CCN4: variants seen among roughly 807,000 people sequenced by gnomAD.
CCN4 encodes the protein CCN family member 4.
A neutral mutation model predicts 36.7 loss-of-function variants in CCN4; 30 were observed. The ratio of observed to expected loss-of-function variants is 0.82; its 90% CI spans 0.61 to 1.11. The LOEUF is 1.11. Among genes scored for constraint, CCN4 ranks in the 50% least tolerant of loss-of-function variants. CCN4 has a pLI of 0.00. For missense variants in CCN4, 505 were observed against 504.9 expected, an observed-to-expected ratio of 1.00 and a Z score of 0.00; for synonymous variants, 191 against 195.4, an observed-to-expected ratio of 0.98 and a Z score of 0.19.
At chr8:133,213,175 C>T (rs775183127) in intron 2 of CCN4, 32 bp downstream of exon 2, 2 of 1,573,120 alleles carry the variant, frequency 1.3e-6, no homozygotes, top group Non-Finnish European at 1.7e-6. Context: ...TCTGACCAGC[C>T]CCTGAGCACC....
In CCN4 at chr8:133,213,752, A is replaced by C. The variant is rs1329128838; in HGVS notation, c.349+609A>C. Among the ~76,000 whole-genome samples, 3 of 147,298 alleles carry C rather than the reference A, an allele frequency of 2.0e-5. No homozygotes were observed. The South Asian group carries it at 6.3e-4, about 31-fold the overall frequency. On this transcript the variant is annotated intron_variant, in intron 2 of 4. Transcript: ENST00000250160. ...AATATAAAGATAATATATACACTAT[A>C]AATATTATCTTTCTAATGAACTTGA...
At chr8:133,226,556 C>T (rs1038678047) in intron 4 of CCN4, among the ~76,000 whole-genome samples, 2 of 152,208 alleles carry the variant, frequency 1.3e-5, no homozygotes, top group Non-Finnish European at 2.9e-5. Flanking sequence ...ATTCCATAGA[C>T]ATCTCTTAAC....
intron 1 of CCN4, among the ~76,000 whole-genome samples, chr8:133,202,756 C>T (rs2130546703): frequency 6.6e-6 from 1 of 152,282 alleles, no homozygotes; most frequent in South Asian, 2.1e-4. Context: ...GGTGATCTAC[C>T]CAGGACCACT....
intron 1 of CCN4, among the ~76,000 whole-genome samples, chr8:133,208,922 A>G (rs1444993414): frequency 6.6e-6 from 1 of 152,224 alleles, no homozygotes; most frequent in Admixed American, 6.5e-5. Flanking sequence ...GAATGAATAA[A>G]TGAGTGGATG....
chr8:133,193,896 G>T (rs549060047), intron 1 of CCN4, among the ~76,000 whole-genome samples: 47 of 152,286 alleles, frequency 3.1e-4, no homozygotes, highest in African/African-American at 1.1e-3. Flanking sequence ...GGTGACAGGG[G>T]TAACGTCAGC....
intron 1 of CCN4, among the ~76,000 whole-genome samples, chr8:133,209,967 G>A (rs892048179): frequency 7.9e-5 from 12 of 152,320 alleles, no homozygotes; most frequent in African/African-American, 2.6e-4. Context: ...AAGAACGTAC[G>A]TCGGACTGTC....
intron 1 of CCN4, among the ~76,000 whole-genome samples, chr8:133,209,547 C>A (rs971169152): frequency 6.6e-6 from 1 of 152,256 alleles, no homozygotes; most frequent in African/African-American, 2.4e-5. Context: ...GACTTCTCTG[C>A]AGCTTCCCCT....
At chr8:133,207,009 G>A (rs1853800917) in intron 1 of CCN4, among the ~76,000 whole-genome samples, 1 of 152,176 alleles carries the variant, frequency 6.6e-6, no homozygotes, top group Admixed American at 6.5e-5. Flanking sequence ...GGGAAACTAT[G>A]GCTTCACTCA....
At chr8:133,210,282 A>C (rs1853958679) in intron 1 of CCN4, among the ~76,000 whole-genome samples, 1 of 151,606 alleles carries the variant, frequency 6.6e-6, no homozygotes, top group South Asian at 2.1e-4. Flanking sequence ...GCACGTCCTG[A>C]GTGTGGTGGC....
At position 133,212,692 on chromosome 8, in the gene CCN4, A is replaced by G. The variant is rs142746607; in HGVS notation, c.70-172A>G. Among the ~76,000 whole-genome samples, 314 of 152,272 alleles carry G rather than the reference A, an allele frequency of 2.1e-3. 2 individuals are homozygous for G. Among genetic ancestry groups the G allele is most frequent in the African/African-American group, 7.4e-3 (307 of 41,564 alleles). On this transcript the variant is annotated intron_variant, in intron 1 of 4. Coordinates refer to ENST00000250160, the MANE Select transcript of CCN4 (RefSeq NM_003882.4). The stretch of plus-strand genomic sequence containing the variant: ...GCTGCATGTTGGGCTCCTCTGTTCT[A>G]TTTGTTTTACTGAGAATAAAGGAGA...
chr8:133,225,699 A>T (rs1005850508), intron 4 of CCN4, 116 bp downstream of exon 4: 7 of 1,059,012 alleles, frequency 6.6e-6, no homozygotes, highest in Middle Eastern at 2.7e-4. Context: ...AGTTAAGCTC[A>T]CCTGGTAGGT....
intron 1 of CCN4, among the ~76,000 whole-genome samples, chr8:133,194,215 C>CTG (rs1179752636): frequency 2.0e-5 from 3 of 151,566 alleles, no homozygotes; most frequent in African/African-American, 7.3e-5. Flanking sequence ...CATAGCTGCA[C>CTG]TGTGTGTGTG....
intron 2 of CCN4, among the ~76,000 whole-genome samples, chr8:133,217,494 G>A (rs1276515209): frequency 2.6e-5 from 4 of 152,280 alleles, no homozygotes; most frequent in East Asian, 1.9e-4. Context: ...TCACCATCTC[G>A]CCTTTGATTA....
At chr8:133,213,262 G>A (rs1465892522) in intron 2 of CCN4, 119 bp downstream of exon 2, 8 of 1,266,986 alleles carry the variant, frequency 6.3e-6, no homozygotes, top group Non-Finnish European at 8.8e-6. Flanking sequence ...TTCAGCAGGA[G>A]ATACACCCCA....
chr8:133,210,418 TG>T (rs1853971573), intron 1 of CCN4, among the ~76,000 whole-genome samples: 1 of 132,268 alleles, frequency 7.6e-6, no homozygotes, highest in Non-Finnish European at 1.8e-5. Flanking sequence ...TGTGTGTGTG[TG>T]TGTTTACTGA....
intron 1 of CCN4, among the ~76,000 whole-genome samples, chr8:133,198,854 C>A (rs563422457): frequency 6.6e-6 from 1 of 152,366 alleles, no homozygotes; most frequent in South Asian, 2.1e-4. Context: ...CCCTCAGGCC[C>A]CAGGGCCTTT....
At position 133,220,816 on chromosome 8, in the gene CCN4, C is replaced by T. The variant is rs202057063; in HGVS notation, c.585C>T (p.Thr195=). The change falls in exon 3 of 5, where the codon ACC becomes ACT. Residue 195 remains threonine, a synonymous_variant. Coordinates refer to ENST00000250160, the MANE Select transcript of CCN4 (RefSeq NM_003882.4). The part of the protein sequence containing the change: ...CEDDAKRPRK[T]APRDTGAFDA... ...ACGACGCCAAGAGGCCACGCAAGAC[C>T]GCACCCCGTGACACAGGAGCCTTCG... The T allele has an allele frequency of 3.8e-4, 610 of 1,605,160 alleles. No individual in the cohort carries two copies. The highest frequency in any genetic ancestry group is 8.7e-4 in the Admixed American group (52 of 59,860).
rs1853948671 is a variant in CCN4 at position 133,210,113 on chromosome 8, C to T, written c.70-2751C>T. Among the ~76,000 whole-genome samples the T allele has an allele frequency of 2.0e-5, 3 of 152,330 alleles. No homozygotes were observed. In the South Asian group the frequency reaches 6.2e-4, roughly 32 times the overall value. On this transcript the variant is annotated intron_variant, in intron 1 of 4. Transcript: ENST00000250160. ...CCCATCCATCCATTTCACCAGTCAA[C>T]ACATATGAAGCCCTACTGTGTGCTC...
chr8:133,221,330 G>T (rs1231038930), intron 3 of CCN4, among the ~76,000 whole-genome samples: 1 of 152,210 alleles, frequency 6.6e-6, no homozygotes, highest in African/African-American at 2.4e-5. Context: ...AGGCCCAATT[G>T]TTTCACTGCT....
Sources: gnomAD v4.1 joint callset for allele counts (sites outside exome capture counted in the v4.1 genomes callset) on GRCh38, gnomAD v4.1.1 for gene constraint, MANE v1.5 for transcripts, NCBI Gene and HGNC (gene_info 2026-07-23, HGNC 2026-07-21) for gene names.